MARCHF3: variants seen among roughly 807,000 people sequenced by gnomAD.
The protein encoded by MARCHF3 is E3 ubiquitin-protein ligase MARCHF3.
A neutral mutation model predicts 24.2 loss-of-function variants in MARCHF3; 13 were observed. The ratio of observed to expected loss-of-function variants is 0.54; its 90% confidence interval spans 0.35 to 0.85. The LOEUF (loss-of-function observed/expected upper bound fraction) is 0.85. MARCHF3 is among the 40% of genes least tolerant of loss of function. The pLI, the probability that MARCHF3 is intolerant of heterozygous loss-of-function variation, is 0.01. For missense variants in MARCHF3, 276 were observed against 325.0 expected (o/e 0.85, Z 1.16); for synonymous variants, 144 against 137.3 (o/e 1.05, Z -0.34).
At position 126,948,772 on chromosome 5, in the gene MARCHF3, T is replaced by C. The variant is rs1323430899; in HGVS notation, c.-56-30545A>G. Reference sequence around the variant, plus strand: ...GGATACAAGAACAACAGGGAACTAATAACTGTGGATGAAACCCCCATATGA... The same window carrying C: ...GGATACAAGAACAACAGGGAACTAACAACTGTGGATGAAACCCCCATATGA... On this transcript the variant is annotated intron_variant, in intron 1 of 4. Coordinates refer to ENST00000308660, the MANE Select transcript of MARCHF3 (RefSeq NM_178450.5). Among the ~76,000 whole-genome samples, 12 of 152,186 alleles carry C rather than the reference T, an allele frequency of 7.9e-5. No homozygotes were observed. The South Asian group carries it at 2.5e-3, about 31-fold the overall frequency.
In MARCHF3 at chr5:126,914,767, AAC is replaced by A. The variant is rs58386463; in HGVS notation, c.393+161_393+162del. Reference sequence around the variant, plus strand: ...TGTCTGTCTACATCTCTCTTTCTCAAACACACACACACACACACACACACACA... The same window carrying A: ...TGTCTGTCTACATCTCTCTTTCTCAAACACACACACACACACACACACACA... On this transcript the variant is annotated intron_variant, in intron 3 of 4. Coordinates refer to ENST00000308660, the MANE Select transcript of MARCHF3 (RefSeq NM_178450.5). 9.4e-3 allele frequency: 4,559 copies of A among 483,652 alleles called. 16 individuals are homozygous for A. Among genetic ancestry groups the A allele is most frequent in the African/African-American group, 0.036 (1,550 of 43,318 alleles). 30.0% of individuals were successfully genotyped at this position (483,652 alleles called of 1,614,324 possible).
At chr5:126,896,037 A>G (rs906053724) in intron 3 of MARCHF3, among the ~76,000 whole-genome samples, 7 of 152,106 alleles carry the variant, frequency 4.6e-5, no homozygotes, top group Non-Finnish European at 1.0e-4. Context: ...GCCTGTCGGA[A>G]AAGCGCAGTA....
chr5:126,936,266 G>T (rs1242516492), intron 1 of MARCHF3, among the ~76,000 whole-genome samples: 1 of 152,158 alleles, frequency 6.6e-6, no homozygotes, highest in Non-Finnish European at 1.5e-5. Context: ...TTATCTTAGG[G>T]ACATAATCAG....
At position 126,895,311 on chromosome 5, in the gene MARCHF3, C is replaced by T. The variant is rs1292517192; in HGVS notation, c.394-16917G>A. On this transcript the variant is annotated intron_variant, in intron 3 of 4. Transcript: ENST00000308660. ...GTCTGAAGCCTTCTTCTCTCAGCTC[C>T]TCAAAGTCATTCTCCATCTAGCTTT... is the stretch of plus-strand genomic sequence containing the variant. Among the ~76,000 whole-genome samples, 3 of 152,160 alleles carry T rather than the reference C, an allele frequency of 2.0e-5. No individual in the cohort carries two copies. In the East Asian group the frequency reaches 5.8e-4, roughly 29 times the overall value.
intron 1 of MARCHF3, among the ~76,000 whole-genome samples, chr5:127,029,233 A>T (rs1753096750): frequency 6.6e-6 from 1 of 152,170 alleles, no homozygotes; most frequent in South Asian, 2.1e-4. Flanking sequence ...ACTCACACAT[A>T]TACACGTATG....
Position 126,915,007 on chromosome 5 carries a change from A to T in MARCHF3, c.316T>A (p.Ser106Thr), listed in dbSNP as rs201469052. 241 of 1,614,084 alleles carry T rather than the reference A, an allele frequency of 1.5e-4. 1 individual carries two copies. Among genetic ancestry groups the T allele is most frequent in the Non-Finnish European group, 1.7e-5 (20 of 1,180,040 alleles). The change falls in exon 3 of 5, where the codon TCA becomes ACA. Residue 106 changes from serine to threonine, a missense_variant. Physicochemically the swap from Ser to Thr is moderately conservative, Grantham distance 58. Transcript: ENST00000308660. ...TCACAGTAGCTGGTGTTTGAGGATGACAGCCAGTGCTCCAGGCAGCTCCGA... is the reference window on the plus strand; with the variant it reads ...TCACAGTAGCTGGTGTTTGAGGATGTCAGCCAGTGCTCCAGGCAGCTCCGA... ...IHRSCLEHWLSSSNTSYCELC... is the reference protein window; with the variant it reads ...IHRSCLEHWLTSSNTSYCELC...
At chr5:126,890,557 G>A (rs910139092) in intron 3 of MARCHF3, among the ~76,000 whole-genome samples, 2 of 151,194 alleles carry the variant, frequency 1.3e-5, no homozygotes, top group East Asian at 1.9e-4. Flanking sequence ...TTGTTCTTGC[G>A]ATAGTTTACT....
chr5:126,981,455 G>A (rs761657786), intron 1 of MARCHF3, among the ~76,000 whole-genome samples: 2 of 152,184 alleles, frequency 1.3e-5, no homozygotes, highest in Non-Finnish European at 2.9e-5. Flanking sequence ...TTAGTAAGAC[G>A]AGTCTTCTGA....
In MARCHF3 at chr5:126,951,516, A is replaced by C. The variant is rs114292047; in HGVS notation, c.-56-33289T>G. ...TCCTGAATCCACCACCCCCAACAAAACTGTTCTATCTGCAGTCATCTTCAT... is the reference window on the plus strand; with the variant it reads ...TCCTGAATCCACCACCCCCAACAAACCTGTTCTATCTGCAGTCATCTTCAT... On this transcript the variant is annotated intron_variant, in intron 1 of 4. Coordinates refer to ENST00000308660, the MANE Select transcript of MARCHF3 (RefSeq NM_178450.5). Among the ~76,000 whole-genome samples the C allele has an allele frequency of 7.9e-3, 1,197 of 152,112 alleles. 10 individuals are homozygous for C. Among genetic ancestry groups the C allele is most frequent in the African/African-American group, 0.028 (1,146 of 41,482 alleles).
intron 3 of MARCHF3, among the ~76,000 whole-genome samples, chr5:126,905,989 C>T (rs559939249): frequency 4.2e-4 from 63 of 149,646 alleles, no homozygotes; most frequent in African/African-American, 1.6e-3. Context: ...AGATACGTCC[C>T]ATCAATACCT....
intron 1 of MARCHF3, among the ~76,000 whole-genome samples, chr5:126,949,185 G>A (rs1242736130): frequency 6.6e-6 from 1 of 152,152 alleles, no homozygotes; most frequent in Non-Finnish European, 1.5e-5. Flanking sequence ...ATGAACATAT[G>A]CTAAAGAAAA....
intron 3 of MARCHF3, among the ~76,000 whole-genome samples, chr5:126,894,597 A>G (rs529381204): frequency 0.018 from 2,789 of 151,866 alleles, 51 homozygotes; most frequent in Middle Eastern, 0.048. Context: ...CTTTTCTTTA[A>G]GAATGTTGAA....
rs1340514349 is a variant in MARCHF3, at chr5:126,956,660, A to AC, written c.-56-38434_-56-38433insG. On this transcript the variant is annotated intron_variant, in intron 1 of 4. Transcript: ENST00000308660. ...GCTCTGTCTCCAAAAAAAAAAAAAA[A>AC]AAAAAAAAAAACCAAAAAAACAACA... 4.7e-4 allele frequency among the ~76,000 whole-genome samples: 66 copies of AC among 140,694 alleles called. 1 individual carries two copies. Among genetic ancestry groups the AC allele is most frequent in the African/African-American group, 1.6e-3 (63 of 40,122 alleles). 92.3% of individuals were successfully genotyped at this position (140,694 alleles called of 152,430 possible). A position where few individuals can be genotyped will look rare whatever the true frequency, so the allele number is the denominator to read the frequency against.
chr5:126,968,929 T>A (rs1450453015), intron 1 of MARCHF3, among the ~76,000 whole-genome samples: 2 of 152,228 alleles, frequency 1.3e-5, no homozygotes, highest in African/African-American at 2.4e-5. Flanking sequence ...ATAAGTGATA[T>A]GCAAATATTT....
chr5:126,914,036 T>G (rs1210184187), intron 3 of MARCHF3, among the ~76,000 whole-genome samples: 1 of 143,420 alleles, frequency 7.0e-6, no homozygotes, highest in Non-Finnish European at 1.5e-5. Flanking sequence ...CAGGCTGGAG[T>G]GCAGTGGTGC....
intron 1 of MARCHF3, among the ~76,000 whole-genome samples, chr5:126,973,784 G>C (rs1052601735): frequency 1.3e-5 from 2 of 151,996 alleles, no homozygotes; most frequent in Non-Finnish European, 2.9e-5. Context: ...TAAGGTGATG[G>C]CCATAAAGAA....
intron 1 of MARCHF3, among the ~76,000 whole-genome samples, chr5:127,003,281 C>CATCCTGTCTA (rs1275606438): frequency 2.7e-5 from 4 of 150,690 alleles, no homozygotes; most frequent in African/African-American, 2.4e-5. Flanking sequence ...AGATCAAGAC[C>CATCCTGTCTA]ACAGTGAAAA....
chr5:126,967,058 C>T (rs1416749314), intron 1 of MARCHF3, among the ~76,000 whole-genome samples: 2 of 149,618 alleles, frequency 1.3e-5, no homozygotes, highest in South Asian at 2.1e-4. Flanking sequence ...GAGATTTTGG[C>T]GCACCCATCA....
intron 1 of MARCHF3, among the ~76,000 whole-genome samples, chr5:126,981,376 G>T (rs1170285094): frequency 1.3e-5 from 2 of 152,132 alleles, no homozygotes; most frequent in Non-Finnish European, 2.9e-5. Flanking sequence ...AGCATCTTGG[G>T]CTCTTGGCCT....
Sources: allele counts gnomAD v4.1 joint callset (sites outside exome capture counted in the v4.1 genomes callset), GRCh38; gene constraint gnomAD v4.1.1; transcripts MANE v1.5; gene names NCBI Gene and HGNC (gene_info 2026-07-23, HGNC 2026-07-21).